COL8A1: variants seen among roughly 807,000 people sequenced by gnomAD.
The protein encoded by COL8A1 is collagen alpha-1(VIII) chain.
A neutral mutation model predicts 42.7 loss-of-function variants in COL8A1; 21 were observed. That is an observed-to-expected ratio of 0.49 (90% CI 0.35 to 0.71). The LOEUF (loss-of-function observed/expected upper bound fraction) is 0.71, where lower values mean the gene tolerates loss of function less well. Among genes scored for constraint, COL8A1 ranks in the 30% least tolerant of loss-of-function variants. COL8A1 has a pLI of 0.01. For synonymous variants in COL8A1, 367 were observed against 369.1 expected, an observed-to-expected ratio of 0.99 and a Z score of 0.06; for missense variants, 788 against 962.4, an observed-to-expected ratio of 0.82 and a Z score of 2.40.
At chr3:99,732,501 T>G (rs1940543796) in intron 1 of COL8A1, among the ~76,000 whole-genome samples, 1 of 152,046 alleles carries the variant, frequency 6.6e-6, no homozygotes, top group South Asian at 2.1e-4. Flanking sequence ...AAAAGGCCCT[T>G]ATAAAACCAT....
chr3:99,690,001 C>T (rs1287026982), intron 1 of COL8A1, among the ~76,000 whole-genome samples: 1 of 152,132 alleles, frequency 6.6e-6, no homozygotes, highest in Non-Finnish European at 1.5e-5. Context: ...AATGCATGCC[C>T]TTAAAAAACA....
chr3:99,701,627 A>G (rs1939542666), intron 1 of COL8A1, among the ~76,000 whole-genome samples: 1 of 152,092 alleles, frequency 6.6e-6, no homozygotes, highest in African/African-American at 2.4e-5. Context: ...AAGTAGTTTA[A>G]TTATTTTCTT....
chr3:99,782,143 T>C (rs994801493), intron 2 of COL8A1, among the ~76,000 whole-genome samples: 1 of 152,156 alleles, frequency 6.6e-6, no homozygotes, highest in Non-Finnish European at 1.5e-5. Context: ...AAAAAAACCA[T>C]GGATTATTAT....
intron 1 of COL8A1, among the ~76,000 whole-genome samples, chr3:99,733,182 T>A (rs1251629995): frequency 2.0e-5 from 3 of 150,452 alleles, no homozygotes; most frequent in Non-Finnish European, 4.4e-5. Flanking sequence ...AGTTTTAGGG[T>A]ACATGTGCAC....
At chr3:99,686,878 G>C (rs1361007558) in intron 1 of COL8A1, among the ~76,000 whole-genome samples, 2 of 152,016 alleles carry the variant, frequency 1.3e-5, no homozygotes, top group African/African-American at 4.8e-5. Flanking sequence ...GGTTCTGTTT[G>C]TTTGTTTTTG....
At chr3:99,730,369 T>G (rs1940466547) in intron 1 of COL8A1, among the ~76,000 whole-genome samples, 1 of 152,132 alleles carries the variant, frequency 6.6e-6, no homozygotes, top group Admixed American at 6.6e-5. Context: ...AACTCCTGCC[T>G]GATCATCTGA....
At chr3:99,733,957 G>C (rs886966779) in intron 1 of COL8A1, among the ~76,000 whole-genome samples, 14 of 152,054 alleles carry the variant, frequency 9.2e-5, no homozygotes, top group African/African-American at 3.4e-4. Flanking sequence ...CTTTTGAGAA[G>C]TGTCTGTTCA....
chr3:99,733,778 G>A (rs963728870), intron 1 of COL8A1, among the ~76,000 whole-genome samples: 61 of 151,618 alleles, frequency 4.0e-4, no homozygotes, highest in Non-Finnish European at 7.4e-4. Flanking sequence ...GTGTAAAAGT[G>A]TTCCTATTTC....
intron 2 of COL8A1, among the ~76,000 whole-genome samples, chr3:99,787,948 T>C (rs1576477072): frequency 6.6e-6 from 1 of 151,918 alleles, no homozygotes; most frequent in Non-Finnish European, 1.5e-5. Context: ...GAACTCACAA[T>C]ATTATTGTGT....
chr3:99,717,798 G>A (rs1940045167), intron 1 of COL8A1, among the ~76,000 whole-genome samples: 2 of 152,060 alleles, frequency 1.3e-5, no homozygotes, highest in South Asian at 4.2e-4. Flanking sequence ...TGTAGATAAA[G>A]TTGGAGCTAC....
chr3:99,733,718 C>T (rs1340862798), intron 1 of COL8A1, among the ~76,000 whole-genome samples: 2 of 151,092 alleles, frequency 1.3e-5, no homozygotes, highest in East Asian at 1.9e-4. Context: ...CCTGAGGAAT[C>T]GCCACACTGA....
chr3:99,730,400 G>A (rs1013872451), intron 1 of COL8A1, among the ~76,000 whole-genome samples: 1 of 152,060 alleles, frequency 6.6e-6, no homozygotes, highest in Non-Finnish European at 1.5e-5. Context: ...TATATTTTTT[G>A]AAATGTTATG....
intron 1 of COL8A1, among the ~76,000 whole-genome samples, chr3:99,695,697 T>C (rs1939346231): frequency 6.6e-6 from 1 of 152,218 alleles, no homozygotes; most frequent in Non-Finnish European, 1.5e-5. Flanking sequence ...ATCATTCATT[T>C]ATTTGTTGTT....
intron 1 of COL8A1, among the ~76,000 whole-genome samples, chr3:99,692,083 G>C (rs1408031574): frequency 6.6e-6 from 1 of 151,902 alleles, no homozygotes; most frequent in African/African-American, 2.4e-5. Flanking sequence ...CTCAATACTT[G>C]GGCCAGATGT....
intron 1 of COL8A1, among the ~76,000 whole-genome samples, chr3:99,723,380 G>C (rs1335424439): frequency 6.6e-6 from 1 of 152,040 alleles, no homozygotes; most frequent in African/African-American, 2.4e-5. Flanking sequence ...TGCAAGTCCA[G>C]ATTAGTTCCT....
At chr3:99,653,764 A>G (rs1339626990) in intron 1 of COL8A1, among the ~76,000 whole-genome samples, 1 of 150,390 alleles carries the variant, frequency 6.6e-6, no homozygotes, top group Non-Finnish European at 1.5e-5. Flanking sequence ...CTGTATTTTG[A>G]TGCATCAATA....
At chr3:99,664,832 G>T (rs1385133035) in intron 1 of COL8A1, among the ~76,000 whole-genome samples, 1 of 152,242 alleles carries the variant, frequency 6.6e-6, no homozygotes, top group Non-Finnish European at 1.5e-5. Context: ...TGCAGCCCCA[G>T]TGCTGCTTCT....
intron 2 of COL8A1, among the ~76,000 whole-genome samples, chr3:99,765,197 C>G (rs1201237959): frequency 6.6e-6 from 1 of 152,162 alleles, no homozygotes; most frequent in Non-Finnish European, 1.5e-5. Context: ...TCAACATTAT[C>G]AGCTGATTCA....
intron 1 of COL8A1, among the ~76,000 whole-genome samples, chr3:99,730,507 T>C (rs756285322): frequency 1.3e-5 from 2 of 152,114 alleles, no homozygotes. Flanking sequence ...GAGTGAATGA[T>C]AGAGAAACAG....
Sources: gnomAD v4.1 joint callset for allele counts (sites outside exome capture counted in the v4.1 genomes callset) on GRCh38, gnomAD v4.1.1 for gene constraint, MANE v1.5 for transcripts, NCBI Gene and HGNC (gene_info 2026-07-23, HGNC 2026-07-21) for gene names.